The following MYBL2 variants were observed in gnomAD, a reference collection of about 807,000 sequenced individuals.
MYBL2 encodes myb-related protein B.
A neutral mutation model predicts 79.9 loss-of-function variants in MYBL2; 28 were observed. The observed-to-expected ratio is 0.35, with a 90% CI of 0.26 to 0.48. The LOEUF is 0.48. MYBL2 is among the 20% of genes least tolerant of loss of function. MYBL2 has a pLI of 0.99. For synonymous variants in MYBL2, 378 were observed against 361.2 expected, an observed-to-expected ratio of 1.05 and a Z score of -0.53; for missense variants, 735 against 893.9, an observed-to-expected ratio of 0.82 and a Z score of 2.27.
intron 5 of MYBL2, 141 bp from the exon 6 acceptor site, chr20:43,692,016 G>A: frequency 1.4e-6 from 1 of 701,886 alleles, no homozygotes; most frequent in Non-Finnish European, 2.4e-6. Context: ...CTTCATCTTG[G>A]AACTGAAAGA....
intron 2 of MYBL2, among the ~76,000 whole-genome samples, chr20:43,677,829 C>T (rs1300080825): frequency 6.6e-6 from 1 of 152,138 alleles, no homozygotes; most frequent in African/African-American, 2.4e-5. Flanking sequence ...TGAGAACGGG[C>T]CATGATGACA....
intron 1 of MYBL2, among the ~76,000 whole-genome samples, chr20:43,670,965 TTTTC>T (rs1268922496): frequency 0.15 from 1,140 of 7,826 alleles, 18 homozygotes; most frequent in African/African-American, 0.18. Flanking sequence ...GATTTCTTTT[TTTTC>T]TTTTTTTTTT....
At chr20:43,695,661 G>A (rs971564876) in intron 6 of MYBL2, among the ~76,000 whole-genome samples, 4 of 149,506 alleles carry the variant, frequency 2.7e-5, no homozygotes, top group Non-Finnish European at 3.0e-5. Flanking sequence ...TGACCAGTCT[G>A]GGCAACATAG....
At chr20:43,670,056 G>A (rs934429597) in intron 1 of MYBL2, among the ~76,000 whole-genome samples, 8 of 152,228 alleles carry the variant, frequency 5.3e-5, no homozygotes, top group African/African-American at 1.9e-4. Flanking sequence ...TGTGAGTCGA[G>A]ATCATGCCAC....
chr20:43,691,830 C>T (rs1987416940), intron 5 of MYBL2, among the ~76,000 whole-genome samples: 3 of 151,738 alleles, frequency 2.0e-5, no homozygotes, highest in South Asian at 2.1e-4. Flanking sequence ...TGGTGAGCCA[C>T]CGCACTCGGC....
chr20:43,673,714 C>T, intron 1 of MYBL2, 92 bp from the exon 2 acceptor site: 1 of 1,227,580 alleles, frequency 8.1e-7, no homozygotes, highest in Non-Finnish European at 1.2e-6. Flanking sequence ...CCAGACCTTT[C>T]CCTAGGGTGG....
chr20:43,699,971 T>C lies in MYBL2; in HGVS notation c.878T>C (p.Val293Ala). The change falls in exon 7 of 14, where the codon GTG (valine) becomes GCG (alanine). Residue 293 changes from valine (V) to alanine (A), a missense_variant. By Grantham distance (64) the Val-to-Ala change is moderately conservative. Transcript: ENST00000217026. ...PPETSLPYKWVVEAANLLIPA... is the reference protein window; with the variant it reads ...PPETSLPYKWAVEAANLLIPA... Reference sequence around the variant, plus strand: ...GAAACGAGCCTGCCTTACAAGTGGGTGGTGGAGGCAGCTAACCTCCTCATC... The same window carrying C: ...GAAACGAGCCTGCCTTACAAGTGGGCGGTGGAGGCAGCTAACCTCCTCATC... 1 of 1,614,036 alleles carries C rather than the reference T, an allele frequency of 6.2e-7. No individual in the cohort carries two copies. The highest frequency in any genetic ancestry group is 1.1e-5 in the South Asian group (1 of 91,066).
intron 5 of MYBL2, among the ~76,000 whole-genome samples, chr20:43,688,112 C>G (rs532511618): frequency 6.6e-6 from 1 of 151,120 alleles, no homozygotes; most frequent in South Asian, 2.1e-4. Context: ...TAGGAGACTT[C>G]TTATCTTCTC....
At chr20:43,675,463 G>A (rs759803460) in intron 2 of MYBL2, among the ~76,000 whole-genome samples, 4 of 151,784 alleles carry the variant, frequency 2.6e-5, no homozygotes, top group African/African-American at 7.3e-5. Context: ...ACAGGCACCC[G>A]CCATCATGCC....
intron 3 of MYBL2, among the ~76,000 whole-genome samples, chr20:43,682,304 T>C (rs1162132085): frequency 3.3e-5 from 5 of 150,708 alleles, no homozygotes. Flanking sequence ...CAGGACCTCC[T>C]TCTCAGGCCC....
chr20:43,669,858 G>C (rs1158709866), intron 1 of MYBL2, among the ~76,000 whole-genome samples: 1 of 152,198 alleles, frequency 6.6e-6, no homozygotes, highest in Non-Finnish European at 1.5e-5. Context: ...GGGTGTGGTA[G>C]CTCATGCCTG....
intron 4 of MYBL2, among the ~76,000 whole-genome samples, chr20:43,686,357 C>T (rs1189117442): frequency 1.3e-5 from 2 of 152,152 alleles, no homozygotes; most frequent in South Asian, 2.1e-4. Flanking sequence ...CCCGCGATGC[C>T]TGCTACCATG....
intron 5 of MYBL2, 70 bp from the exon 6 acceptor site, chr20:43,692,087 G>T (rs1199854464): frequency 1.3e-6 from 2 of 1,514,366 alleles, no homozygotes; most frequent in African/African-American, 1.4e-5. Flanking sequence ...GCTTAGGGAG[G>T]TTAGTGATGT....
chr20:43,694,598 G>C (rs1303671471), intron 6 of MYBL2, among the ~76,000 whole-genome samples: 1 of 152,106 alleles, frequency 6.6e-6, no homozygotes, highest in African/African-American at 2.4e-5. Context: ...TCTATTTCTT[G>C]AATTTTCAAT....
chr20:43,701,248 G>C (rs1987668928), intron 7 of MYBL2, among the ~76,000 whole-genome samples: 1 of 152,114 alleles, frequency 6.6e-6, no homozygotes, highest in Admixed American at 6.6e-5. Context: ...TCCCTCCTCT[G>C]CTCCGTCCAC....
chr20:43,669,078 A>G (rs1056878786), intron 1 of MYBL2, among the ~76,000 whole-genome samples: 2 of 152,076 alleles, frequency 1.3e-5, no homozygotes, highest in South Asian at 2.1e-4. Flanking sequence ...TGCTCAGGCA[A>G]TCCGCCTGCC....
intron 6 of MYBL2, among the ~76,000 whole-genome samples, chr20:43,693,357 A>T (rs1463658899): frequency 6.6e-6 from 1 of 151,676 alleles, no homozygotes; most frequent in Admixed American, 6.6e-5. Flanking sequence ...TTATTTATTT[A>T]TTTTTTGAGA....
rs1206965808 is a variant in MYBL2 at position 43,681,648 on chromosome 20, C to G, written c.115-136C>G. ...CTGCCTGCTGCTGCAGCTGTAGTGC[C>G]TGGCACCTTGTACGTATTCACTTCA... On this transcript the variant is annotated intron_variant, in intron 2 of 13. Transcript: ENST00000217026. The G allele has an allele frequency of 4.7e-6, 4 of 860,030 alleles. No homozygotes were observed. In the Admixed American group the frequency reaches 6.1e-5, roughly 13 times the overall value. The allele number at this position is 860,030 out of a possible 1,614,324, so 53.3% of individuals were successfully genotyped here. A position where few individuals can be genotyped will look rare whatever the true frequency, so the allele number is the denominator to read the frequency against.
chr20:43,670,404 A>T (rs1485886343), intron 1 of MYBL2, among the ~76,000 whole-genome samples: 1 of 152,156 alleles, frequency 6.6e-6, no homozygotes, highest in East Asian at 1.9e-4. Flanking sequence ...GACTGTAGAC[A>T]CCGTCCCTCC....
Sources: gnomAD v4.1 joint callset for allele counts (sites outside exome capture counted in the v4.1 genomes callset) on GRCh38, gnomAD v4.1.1 for gene constraint, MANE v1.5 for transcripts, NCBI Gene and HGNC (gene_info 2026-07-23, HGNC 2026-07-21) for gene names.